FGF12: variants seen among roughly 807,000 people sequenced by gnomAD.
FGF12 encodes fibroblast growth factor 12B.
FGF12 carries 14 observed loss-of-function variants against 23.6 expected under a neutral mutation model. The ratio of observed to expected loss-of-function variants is 0.59; its 90% CI spans 0.39 to 0.93. FGF12 has a LOEUF of 0.93. Ranked by LOEUF, FGF12 falls within the 40% of genes least tolerant of loss-of-function variation. The pLI, the probability that FGF12 is intolerant of heterozygous loss-of-function variation, is 0.00. For missense variants in FGF12, 175 were observed against 217.8 expected (o/e 0.80, Z 1.24); for synonymous variants, 62 against 77.3 (o/e 0.80, Z 1.04).
intron 4 of FGF12, among the ~76,000 whole-genome samples, chr3:192,311,620 CTT>C (rs1715942219): frequency 6.6e-6 from 1 of 152,112 alleles, no homozygotes; most frequent in African/African-American, 2.4e-5. Flanking sequence ...ATACAAGAGT[CTT>C]TGTGTAGACA....
At chr3:192,625,336 AAATTTTCTCATCT>A (rs754944682) in intron 2 of FGF12, among the ~76,000 whole-genome samples, 3 of 152,114 alleles carry the variant, frequency 2.0e-5, no homozygotes, top group Non-Finnish European at 4.4e-5. Context: ...GTGTGTTATA[AAATTTTCTCATCT>A]TTGAAAATTT....
intron 4 of FGF12, among the ~76,000 whole-genome samples, chr3:192,250,691 C>T (rs1296225939): frequency 6.6e-6 from 1 of 151,888 alleles, no homozygotes; most frequent in Admixed American, 6.6e-5. Flanking sequence ...TAGGTATCTT[C>T]TTTTTCTGGA....
intron 2 of FGF12, among the ~76,000 whole-genome samples, chr3:192,597,574 G>C (rs751234735): frequency 3.3e-5 from 5 of 152,330 alleles, no homozygotes; most frequent in Non-Finnish European, 5.9e-5. Context: ...ATGTACAAGT[G>C]TAAGTGGCAT....
At chr3:192,399,262 A>G (rs187066472) in intron 2 of FGF12, among the ~76,000 whole-genome samples, 13 of 152,274 alleles carry the variant, frequency 8.5e-5, no homozygotes, top group African/African-American at 3.1e-4. Flanking sequence ...CTCTCTCCTC[A>G]TGAATGGGAT....
chr3:192,148,989 C>T (rs1337212190), intron 5 of FGF12, among the ~76,000 whole-genome samples: 1 of 151,964 alleles, frequency 6.6e-6, no homozygotes, highest in East Asian at 1.9e-4. Flanking sequence ...GAGGTGATGA[C>T]GAATAAGAAG....
chr3:192,600,742 A>G (rs535997308), intron 2 of FGF12, among the ~76,000 whole-genome samples: 1 of 152,286 alleles, frequency 6.6e-6, no homozygotes, highest in Non-Finnish European at 1.5e-5. Flanking sequence ...CAAAACCACA[A>G]TGAAGTATCA....
At chr3:192,394,452 T>G (rs527604293) in intron 2 of FGF12, among the ~76,000 whole-genome samples, 14 of 152,332 alleles carry the variant, frequency 9.2e-5, no homozygotes, top group Admixed American at 2.6e-4. Context: ...AACATATCAT[T>G]AAGCCATTTT....
rs1209488746 is a variant in FGF12, at chr3:192,141,910, TTG to T, written c.*2097_*2098del. ...TTATTTTTTTCAAATAAAATAAGCT[TTG>T]TGCTTGGGATTTTTTTCTTTTTTTT... On this transcript the variant is annotated 3_prime_UTR_variant, in exon 6 of 6. Transcript: ENST00000445105. The T allele has an allele frequency of 6.6e-6, 1 of 152,072 alleles. No individual in the cohort carries two copies. Among genetic ancestry groups the T allele is most frequent in the Non-Finnish European group, 1.5e-5 (1 of 67,824 alleles). The allele number at this position is 152,072 out of a possible 1,614,324, so 9.4% of individuals were successfully genotyped here.
At chr3:192,441,282 T>C (rs1722193607) in intron 2 of FGF12, among the ~76,000 whole-genome samples, 1 of 152,166 alleles carries the variant, frequency 6.6e-6, no homozygotes, top group Non-Finnish European at 1.5e-5. Context: ...GAGTAAATGT[T>C]GGATAAATAA....
At chr3:192,258,276 G>A (rs1712530976) in intron 4 of FGF12, among the ~76,000 whole-genome samples, 1 of 152,070 alleles carries the variant, frequency 6.6e-6, no homozygotes, top group South Asian at 2.1e-4. Context: ...TGGCCAATAT[G>A]GCAAAACCCC....
chr3:192,203,558 T>A, intron 4 of FGF12, among the ~76,000 whole-genome samples: 1 of 149,656 alleles, frequency 6.7e-6, no homozygotes, highest in African/African-American at 2.5e-5. Flanking sequence ...TACACTCTTT[T>A]TTCTTTACTT....
intron 4 of FGF12, among the ~76,000 whole-genome samples, chr3:192,248,319 C>T (rs1043646055): frequency 1.3e-5 from 2 of 152,172 alleles, no homozygotes; most frequent in Non-Finnish European, 2.9e-5. Context: ...ATAGATGTGG[C>T]CCAATATGGC....
intron 2 of FGF12, among the ~76,000 whole-genome samples, chr3:192,679,423 G>A (rs1717440460): frequency 6.6e-6 from 1 of 152,038 alleles, no homozygotes; most frequent in South Asian, 2.1e-4. Context: ...GATGGCAAAA[G>A]CCCATCTCTA....
chr3:192,473,235 A>C (rs1029988980), intron 2 of FGF12, among the ~76,000 whole-genome samples: 1 of 152,060 alleles, frequency 6.6e-6, no homozygotes, highest in Non-Finnish European at 1.5e-5. Context: ...ACCACACCTC[A>C]CCCCTCAAGC....
chr3:192,603,438 C>G (rs1714199702), intron 2 of FGF12, among the ~76,000 whole-genome samples: 1 of 151,944 alleles, frequency 6.6e-6, no homozygotes, highest in African/African-American at 2.4e-5. Flanking sequence ...TTTACAATAT[C>G]AACAAAAAAA....
intron 4 of FGF12, among the ~76,000 whole-genome samples, chr3:192,293,152 G>C (rs1714848957): frequency 6.6e-6 from 1 of 151,946 alleles, no homozygotes; most frequent in Non-Finnish European, 1.5e-5. Flanking sequence ...CTGAGAAAGA[G>C]ATATTAAAGA....
At chr3:192,190,525 G>C (rs9811224) in intron 4 of FGF12, among the ~76,000 whole-genome samples, 181 of 134,416 alleles carry the variant, frequency 1.3e-3, no homozygotes, top group Non-Finnish European at 1.9e-3. Context: ...GCCCAGGCTG[G>C]AGTGCAGTGG....
chr3:192,170,217 T>A (rs1303808519), intron 5 of FGF12, among the ~76,000 whole-genome samples: 1 of 145,736 alleles, frequency 6.9e-6, no homozygotes, highest in African/African-American at 2.6e-5. Flanking sequence ...CGGGAGGAGG[T>A]TGCAGTGAGC....
At position 192,573,011 on chromosome 3, in the gene FGF12, A is replaced by G. The variant is rs553021441; in HGVS notation, c.13+154170T>C. Among the ~76,000 whole-genome samples the G allele has an allele frequency of 2.0e-5, 3 of 152,360 alleles. No individual in the cohort carries two copies. In the South Asian group the frequency reaches 6.2e-4, roughly 32 times the overall value. On this transcript the variant is annotated intron_variant, in intron 2 of 5. Coordinates refer to ENST00000445105, the MANE Select transcript of FGF12 (RefSeq NM_004113.6). ...ATGACTCTAGGAATGAAGAAATGGC[A>G]TTCGGAAAAGGTATTTTCTTTTATA...
Sources: gnomAD v4.1 joint callset for allele counts (sites outside exome capture counted in the v4.1 genomes callset) on GRCh38, gnomAD v4.1.1 for gene constraint, MANE v1.5 for transcripts, NCBI Gene and HGNC (gene_info 2026-07-23, HGNC 2026-07-21) for gene names.